The following KATNAL1 variants were observed in gnomAD, a reference collection of about 807,000 sequenced individuals.
The protein encoded by KATNAL1 is katanin p60 ATPase-containing subunit A-like 1.
A neutral mutation model predicts 55.2 loss-of-function variants in KATNAL1; 32 were observed. The observed-to-expected ratio is 0.58, with a 90% CI of 0.44 to 0.78. The LOEUF (loss-of-function observed/expected upper bound fraction) is 0.78, where lower values mean the gene tolerates loss of function less well. Ranked by LOEUF, KATNAL1 falls within the 30% of genes least tolerant of loss-of-function variation. The pLI, the probability that KATNAL1 is intolerant of heterozygous loss-of-function variation, is 0.00. For missense variants in KATNAL1, 466 were observed against 600.9 expected (o/e 0.78, Z 2.35); for synonymous variants, 193 against 193.6 (o/e 1.00, Z 0.02).
chr13:30,276,151 A>G (rs1473076864), intron 3 of KATNAL1, among the ~76,000 whole-genome samples: 2 of 152,204 alleles, frequency 1.3e-5, no homozygotes, highest in Non-Finnish European at 2.9e-5. Context: ...ACCTACCACC[A>G]CGATCCTACT....
chr13:30,252,948 T>C (rs187513967), intron 4 of KATNAL1, among the ~76,000 whole-genome samples: 15 of 152,284 alleles, frequency 9.9e-5, no homozygotes, highest in African/African-American at 3.4e-4. Context: ...GGTTACACTA[T>C]GTTGCCCAGG....
intron 3 of KATNAL1, among the ~76,000 whole-genome samples, chr13:30,275,283 G>C (rs1279903080): frequency 1.3e-5 from 2 of 152,140 alleles, no homozygotes; most frequent in Non-Finnish European, 2.9e-5. Flanking sequence ...GAGCAAGAGA[G>C]GTTGCGGGGG....
chr13:30,248,070 G>C (rs188260286), intron 4 of KATNAL1, among the ~76,000 whole-genome samples: 136 of 152,286 alleles, frequency 8.9e-4, no homozygotes, highest in African/African-American at 3.1e-3. Context: ...GTTCAATAAG[G>C]ATATACAAAT....
chr13:30,283,720 C>T lies in KATNAL1; in HGVS notation c.58G>A (p.Gly20Arg). 6.2e-7 allele frequency: 1 copy of T among 1,613,850 alleles called. No homozygotes were observed. The highest frequency in any genetic ancestry group is 8.5e-7 in the Non-Finnish European group (1 of 1,179,846). The change falls in exon 2 of 11, where the codon GGA (glycine) becomes AGA (arginine). Residue 20 changes from glycine (G) to arginine (R), a missense_variant. Physicochemically the swap from Gly to Arg is moderately radical, Grantham distance 125. Coordinates refer to ENST00000380615, the MANE Select transcript of KATNAL1 (RefSeq NM_032116.5). ...AKKGREYALL[G>R]NYDSSMVYYQ... ...TATACCATTGATGAGTCGTAATTTC[C>T]AAGAAGGGCATATTCTCTTCCTTTC...
At chr13:30,237,643 T>C (rs540604837) in intron 6 of KATNAL1, among the ~76,000 whole-genome samples, 5 of 152,336 alleles carry the variant, frequency 3.3e-5, no homozygotes, top group African/African-American at 1.2e-4. Context: ...ACTTAATATG[T>C]TCATCTTTTA....
At chr13:30,262,379 T>G (rs1045592172) in intron 3 of KATNAL1, among the ~76,000 whole-genome samples, 1 of 151,594 alleles carries the variant, frequency 6.6e-6, no homozygotes, top group African/African-American at 2.4e-5. Flanking sequence ...AGAGCAGAAC[T>G]GAAGGAAATA....
chr13:30,217,382 G>T (rs778618074), intron 9 of KATNAL1, among the ~76,000 whole-genome samples: 9 of 152,068 alleles, frequency 5.9e-5, no homozygotes, highest in African/African-American at 1.2e-4. Flanking sequence ...TGAACTCAGG[G>T]GGCGGAGCTT....
chr13:30,254,190 T>C (rs1247660400), intron 4 of KATNAL1, among the ~76,000 whole-genome samples: 3 of 152,210 alleles, frequency 2.0e-5, no homozygotes, highest in Non-Finnish European at 4.4e-5. Flanking sequence ...TGCAAACCAA[T>C]GTTAGCTGCA....
chr13:30,215,614 T>C (rs903705268), intron 9 of KATNAL1, among the ~76,000 whole-genome samples: 2 of 152,246 alleles, frequency 1.3e-5, no homozygotes, highest in Non-Finnish European at 2.9e-5. Context: ...GATGAGTTCA[T>C]GTCCTTTGTA....
intron 1 of KATNAL1, among the ~76,000 whole-genome samples, chr13:30,302,114 T>C: frequency 6.6e-6 from 1 of 152,168 alleles, no homozygotes; most frequent in East Asian, 1.9e-4. Flanking sequence ...GACTCAAGCT[T>C]TCTGCCCCTC....
intron 3 of KATNAL1, among the ~76,000 whole-genome samples, chr13:30,256,368 CTT>C (rs1001037286): frequency 1.8e-4 from 27 of 152,186 alleles, no homozygotes; most frequent in Non-Finnish European, 1.3e-4. Flanking sequence ...GTTTTTGTCT[CTT>C]TTTGATTCTT....
At chr13:30,297,715 G>T (rs1882608460) in intron 1 of KATNAL1, among the ~76,000 whole-genome samples, 3 of 152,188 alleles carry the variant, frequency 2.0e-5, no homozygotes, top group Non-Finnish European at 4.4e-5. Flanking sequence ...GCCCTTTGCA[G>T]CAACATGGAT....
intron 3 of KATNAL1, among the ~76,000 whole-genome samples, chr13:30,275,429 C>T (rs1050847582): frequency 4.6e-5 from 7 of 152,168 alleles, no homozygotes; most frequent in Non-Finnish European, 8.8e-5. Context: ...GCCCCATCTC[C>T]AACAATGGAG....
intron 3 of KATNAL1, among the ~76,000 whole-genome samples, chr13:30,279,269 TGAAA>T (rs1881092191): frequency 6.6e-6 from 1 of 152,158 alleles, no homozygotes; most frequent in African/African-American, 2.4e-5. Context: ...GCGTTAGCAA[TGAAA>T]GTTTATTATT....
chr13:30,274,907 G>GCGCGCGCGCGCGCGCACA (rs869107567), intron 3 of KATNAL1, among the ~76,000 whole-genome samples: 7 of 105,390 alleles, frequency 6.6e-5, no homozygotes, highest in Non-Finnish European at 9.7e-5. Flanking sequence ...GCGCGCGCGC[G>GCGCGCGCGCGCGCGCACA]CACACACACA....
chr13:30,213,169 C>A (rs1212286472), intron 9 of KATNAL1, among the ~76,000 whole-genome samples: 2 of 152,112 alleles, frequency 1.3e-5, no homozygotes, highest in Admixed American at 6.5e-5. Context: ...ACTAGAAAAT[C>A]TAGAAGAAAT....
intron 6 of KATNAL1, among the ~76,000 whole-genome samples, chr13:30,239,490 C>A (rs1318485402): frequency 6.6e-6 from 1 of 151,888 alleles, no homozygotes; most frequent in Non-Finnish European, 1.5e-5. Context: ...TCAGACATAA[C>A]CTTTTAAAAA....
intron 1 of KATNAL1, among the ~76,000 whole-genome samples, chr13:30,290,140 G>A (rs1379014294): frequency 2.6e-5 from 4 of 152,092 alleles, no homozygotes; most frequent in Non-Finnish European, 4.4e-5. Flanking sequence ...TCTATCTTAA[G>A]AATCTAGCAA....
intron 3 of KATNAL1, among the ~76,000 whole-genome samples, chr13:30,262,649 C>A (rs1350386555): frequency 3.3e-5 from 5 of 151,776 alleles, no homozygotes; most frequent in Admixed American, 1.3e-4. Flanking sequence ...GACACATACA[C>A]CCTCCCAAGA....
Sources: allele counts gnomAD v4.1 joint callset (sites outside exome capture counted in the v4.1 genomes callset), GRCh38; gene constraint gnomAD v4.1.1; transcripts MANE v1.5; gene names NCBI Gene and HGNC (gene_info 2026-07-23, HGNC 2026-07-21).